ZNF324: variants seen among roughly 807,000 people sequenced by gnomAD.
ZNF324 encodes zinc finger protein 324A.
A neutral mutation model predicts 10.3 loss-of-function variants in ZNF324; 3 were observed. That is an observed-to-expected ratio of 0.29 (90% CI 0.13 to 0.75). ZNF324 has a LOEUF of 0.75. Among genes scored for constraint, ZNF324 ranks in the 30% least tolerant of loss-of-function variants. The pLI is 0.69. For synonymous variants in ZNF324, 430 were observed against 339.5 expected (o/e 1.27, Z -2.93); for missense variants, 763 against 784.4 (o/e 0.97, Z 0.33).
In ZNF324 at chr19:58,473,357, C is replaced by G. The variant is rs550807720; in HGVS notation, c.*1203C>G. ...TTGCTTCCTGTGGCCTTCAGCAGAC[C>G]AGGCCCTGTCCCTACCTGGAGCCTC... On this transcript the variant is annotated 3_prime_UTR_variant, in exon 4 of 4. Coordinates refer to ENST00000196482, the MANE Select transcript of ZNF324 (RefSeq NM_014347.3). 1.5e-4 allele frequency: 22 copies of G among 148,854 alleles called. No homozygotes were observed. In the East Asian group the frequency reaches 4.1e-3, roughly 27 times the overall value. The allele number at this position is 148,854 out of a possible 1,614,324, so 9.2% of individuals were successfully genotyped here. A position where few individuals can be genotyped will look rare whatever the true frequency, so the allele number is the denominator to read the frequency against.
rs943721051 is a variant in ZNF324 at position 58,472,609 on chromosome 19, C to T, written c.*455C>T. ...GTATTCTCCCCTCAACCCACTGCCT[C>T]TGTTCATCCAAGACTTCCTAGGGGC... is the stretch of plus-strand genomic sequence containing the variant. On this transcript the variant is annotated 3_prime_UTR_variant, in exon 4 of 4. Transcript: ENST00000196482. 6.3e-6 allele frequency: 1 copy of T among 159,760 alleles called. No homozygotes were observed. The highest frequency in any genetic ancestry group is 1.4e-5 in the Non-Finnish European group (1 of 73,224). 9.9% of individuals were successfully genotyped at this position (159,760 alleles called of 1,614,324 possible). A position where few individuals can be genotyped will look rare whatever the true frequency, so the allele number is the denominator to read the frequency against.
chr19:58,473,718 A>T lies in ZNF324; in HGVS notation c.*1564A>T, dbSNP rs1358035639. On this transcript the variant is annotated 3_prime_UTR_variant, in exon 4 of 4. Coordinates refer to ENST00000196482, the MANE Select transcript of ZNF324 (RefSeq NM_014347.3). ...TGGCTTCAACCTGGGTACCCTCAAG[A>T]GGCCACAGAGTAGAGATACAGCCTG... The T allele has an allele frequency of 6.6e-6, 1 of 152,234 alleles. No individual in the cohort carries two copies. The highest frequency in any genetic ancestry group is 1.5e-5 in the Non-Finnish European group (1 of 68,074). 9.4% of individuals were successfully genotyped at this position (152,234 alleles called of 1,614,324 possible).
chr19:58,469,938 C>G (rs1385557702), intron 3 of ZNF324, 94 bp downstream of exon 3: 8 of 935,874 alleles, frequency 8.5e-6, no homozygotes, highest in Non-Finnish European at 1.2e-5. Flanking sequence ...ACCCTCCTCC[C>G]CTCCCTCCCA....
At chr19:58,469,481 T>G (rs576675984) in intron 2 of ZNF324, among the ~76,000 whole-genome samples, 175 bp downstream of exon 2, 10 of 152,354 alleles carry the variant, frequency 6.6e-5, no homozygotes, top group African/African-American at 1.9e-4. Flanking sequence ...CCACTCCCTG[T>G]GGCGCTGTCC....
intron 3 of ZNF324, 49 bp downstream of exon 3, chr19:58,469,893 T>C (rs1375520066): frequency 4.1e-6 from 6 of 1,475,526 alleles, no homozygotes; most frequent in Non-Finnish European, 5.6e-6. Flanking sequence ...CCTGTGGTCA[T>C]GCCTCTGTCC....
At chr19:58,469,043 C>A in intron 1 of ZNF324, 137 bp from the exon 2 acceptor site, 2 of 1,023,430 alleles carry the variant, frequency 2.0e-6, no homozygotes, top group Non-Finnish European at 2.8e-6. Flanking sequence ...TTTTTTTTAG[C>A]TCATCAGCTG....
At chr19:58,470,530 T>G (rs1013517642) in intron 3 of ZNF324, 1 of 695,486 alleles carries the variant, frequency 1.4e-6, no homozygotes, top group Non-Finnish European at 2.6e-6. Flanking sequence ...ATCATGGGAG[T>G]GCCCAGTGTA....
chr19:58,469,431 A>G (rs1599995907), intron 2 of ZNF324, 125 bp downstream of exon 2: 14 of 1,322,534 alleles, frequency 1.1e-5, no homozygotes, highest in Middle Eastern at 1.9e-4. Flanking sequence ...CATGTGGAAT[A>G]GGGGTCTGGT....
In ZNF324 at chr19:58,472,601, C is replaced by T. The variant is rs1307105199; in HGVS notation, c.*447C>T. On this transcript the variant is annotated 3_prime_UTR_variant, in exon 4 of 4. Coordinates refer to ENST00000196482, the MANE Select transcript of ZNF324 (RefSeq NM_014347.3). ...CGCTGAGGGTATTCTCCCCTCAACC[C>T]ACTGCCTCTGTTCATCCAAGACTTC... 3 of 161,394 alleles carry T rather than the reference C, an allele frequency of 1.9e-5. No individual in the cohort carries two copies. Among genetic ancestry groups the T allele is most frequent in the Non-Finnish European group, 4.0e-5 (3 of 74,266 alleles). 10.0% of individuals were successfully genotyped at this position (161,394 alleles called of 1,614,324 possible). A position where few individuals can be genotyped will look rare whatever the true frequency, so the allele number is the denominator to read the frequency against.
chr19:58,469,818 G>C lies in ZNF324; in HGVS notation c.212G>C (p.Arg71Thr). 1 of 1,601,304 alleles carries C rather than the reference G, an allele frequency of 6.2e-7. No individual in the cohort carries two copies. The highest frequency in any genetic ancestry group is 8.5e-7 in the Non-Finnish European group (1 of 1,174,058). ...AGTGGAACGGACACAACCCTGTCCA[G>C]GACCACCTACAGGAGGCGCAACCCT... ...VPSGTDTTLS[R>T]TTYRRRNPGS... is the part of the protein sequence containing the mutation. The change falls in exon 3 of 4, where the codon AGG (arginine) becomes ACG (threonine). Residue 71 changes from arginine to threonine, a missense_variant. Arg to Thr is a moderately conservative substitution (Grantham distance 71). Coordinates refer to ENST00000196482, the MANE Select transcript of ZNF324 (RefSeq NM_014347.3).
In ZNF324 at chr19:58,470,808, A is replaced by C. The variant is rs2053023128; in HGVS notation, c.316A>C (p.Thr106Pro). The change falls in exon 4 of 4, where the codon ACT becomes CCT. Residue 106 changes from threonine (T) to proline (P), a missense_variant. Thr to Pro is a conservative substitution (Grantham distance 38). This residue lies in a region of ZNF324 where 379 missense variants were observed against 319.4 expected (regional missense o/e 1.19). Transcript: ENST00000196482. Reference sequence around the variant, plus strand: ...TTTCCCAGATACCCCACCTGGGATGACTACTAGCGTCTTCCCTGTTGCCGG... The same window carrying C: ...TTTCCCAGATACCCCACCTGGGATGCCTACTAGCGTCTTCCCTGTTGCCGG... ...RAFPDTPPGM[T>P]TSVFPVAGAC... 1 of 1,614,060 alleles carries C rather than the reference A, an allele frequency of 6.2e-7. No homozygotes were observed. The highest frequency in any genetic ancestry group is 1.3e-5 in the African/African-American group (1 of 74,922).
chr19:58,470,467 G>A, intron 3 of ZNF324: 1 of 600,792 alleles, frequency 1.7e-6, no homozygotes, highest in Non-Finnish European at 3.0e-6. Flanking sequence ...GCATACAGCA[G>A]CCGCTAGTTT....
chr19:58,469,121 C>G, intron 1 of ZNF324, 59 bp from the exon 2 acceptor site: 3 of 1,611,900 alleles, frequency 1.9e-6, no homozygotes, highest in Non-Finnish European at 2.5e-6. Flanking sequence ...CCAGGGAAGC[C>G]AAAAGATTGG....
Position 58,474,118 on chromosome 19 carries a change from A to C in ZNF324, c.*1964A>C, listed in dbSNP as rs1363288515. 6.6e-6 allele frequency: 1 copy of C among 152,244 alleles called. No homozygotes were observed. Among genetic ancestry groups the C allele is most frequent in the Non-Finnish European group, 1.5e-5 (1 of 68,060 alleles). 9.4% of individuals were successfully genotyped at this position (152,244 alleles called of 1,614,324 possible). On this transcript the variant is annotated 3_prime_UTR_variant, in exon 4 of 4. Coordinates refer to ENST00000196482, the MANE Select transcript of ZNF324 (RefSeq NM_014347.3). ...GACTCTTCCACCTGTGAAACCTCAC[A>C]GGTTCCTGCAGGGAGTGGAGACACA...
chr19:58,473,667 G>C lies in ZNF324; in HGVS notation c.*1513G>C, dbSNP rs2122425652. The C allele has an allele frequency of 6.6e-6, 1 of 152,358 alleles. No individual in the cohort carries two copies. Among genetic ancestry groups the C allele is most frequent in the African/African-American group, 2.4e-5 (1 of 41,582 alleles). The allele number at this position is 152,358 out of a possible 1,614,324, so 9.4% of individuals were successfully genotyped here. A position where few individuals can be genotyped will look rare whatever the true frequency, so the allele number is the denominator to read the frequency against. On this transcript the variant is annotated 3_prime_UTR_variant, in exon 4 of 4. Transcript: ENST00000196482. The stretch of plus-strand genomic sequence containing the variant: ...ATACCCTGACATGCCATCAGCGTTT[G>C]TCATCATCACAGAAGTTCCTGGACT...
chr19:58,471,537 G>A lies in ZNF324; in HGVS notation c.1045G>A (p.Ala349Thr), dbSNP rs2053033006. ...CTTCCGCTGCTCCGAGTGCGGCAAGGCCTTCAGCCACGGCTCCAACCTCAG... is the reference window on the plus strand; with the variant it reads ...CTTCCGCTGCTCCGAGTGCGGCAAGACCTTCAGCCACGGCTCCAACCTCAG... ...KSFRCSECGK[A>T]FSHGSNLSQH... The change falls in exon 4 of 4, where the codon GCC (alanine) becomes ACC (threonine). Residue 349 changes from alanine (A) to threonine (T), a missense_variant. Transcript: ENST00000196482. 1.3e-6 allele frequency: 2 copies of A among 1,577,066 alleles called. No individual in the cohort carries two copies. The highest frequency in any genetic ancestry group is 8.6e-7 in the Non-Finnish European group (1 of 1,159,402).
chr19:58,468,290 G>C (rs2052999142), intron 1 of ZNF324: 37 of 973,508 alleles, frequency 3.8e-5, no homozygotes, highest in Non-Finnish European at 4.4e-5. Context: ...GGTGTGGGCA[G>C]TTATGGCTTG....
At position 58,473,447 on chromosome 19, in the gene ZNF324, C is replaced by G. The variant is rs967465195; in HGVS notation, c.*1293C>G. The G allele has an allele frequency of 2.0e-5, 3 of 146,508 alleles. No homozygotes were observed. Among genetic ancestry groups the G allele is most frequent in the Non-Finnish European group, 4.5e-5 (3 of 66,824 alleles). The allele number at this position is 146,508 out of a possible 1,614,324, so 9.1% of individuals were successfully genotyped here. ...AAAAAAAAGACTACCATCTGCAACT[C>G]AGAGTAGGTGTTGCAGTTTCCTGTA... is the stretch of plus-strand genomic sequence containing the variant. On this transcript the variant is annotated 3_prime_UTR_variant, in exon 4 of 4. Coordinates refer to ENST00000196482, the MANE Select transcript of ZNF324 (RefSeq NM_014347.3).
At chr19:58,468,813 G>A (rs1568610484) in intron 1 of ZNF324, among the ~76,000 whole-genome samples, 3 of 152,136 alleles carry the variant, frequency 2.0e-5, no homozygotes, top group African/African-American at 7.2e-5. Context: ...GACATGTGAG[G>A]GAAGTGCCAT....
Sources: allele counts gnomAD v4.1 joint callset (sites outside exome capture counted in the v4.1 genomes callset), GRCh38; gene constraint gnomAD v4.1.1; regional missense constraint gnomAD v4.1.1; transcripts MANE v1.5; gene names NCBI Gene and HGNC (gene_info 2026-07-23, HGNC 2026-07-21).